CAMK4: variants seen among roughly 807,000 people sequenced by gnomAD.
The protein encoded by CAMK4 is calcium/calmodulin dependent protein kinase IV, also known as calcium/calmodulin-dependent protein kinase type IV.
A neutral mutation model predicts 44.9 loss-of-function variants in CAMK4; 22 were observed. The observed-to-expected ratio is 0.49, with a 90% CI of 0.35 to 0.70. The LOEUF (loss-of-function observed/expected upper bound fraction) is 0.70, where lower values mean the gene tolerates loss of function less well. Among genes scored for constraint, CAMK4 ranks in the 30% least tolerant of loss-of-function variants. The pLI is 0.01. For synonymous variants in CAMK4, 218 were observed against 215.4 expected (o/e 1.01, Z -0.11); for missense variants, 498 against 586.8 (o/e 0.85, Z 1.56).
At chr5:111,333,764 G>C (rs1040112767) in intron 1 of CAMK4, among the ~76,000 whole-genome samples, 1 of 151,630 alleles carries the variant, frequency 6.6e-6, no homozygotes, top group Non-Finnish European at 1.5e-5. Flanking sequence ...GAGCCACAAA[G>C]TAGAGAATAT....
intron 1 of CAMK4, among the ~76,000 whole-genome samples, chr5:111,284,886 A>G (rs1018979521): frequency 4.6e-5 from 7 of 152,178 alleles, no homozygotes; most frequent in Non-Finnish European, 1.0e-4. Context: ...AATCATGAAA[A>G]AGAGATATCT....
At chr5:111,471,886 C>CGCTT (rs1194035199) in intron 7 of CAMK4, among the ~76,000 whole-genome samples, 1 of 140,558 alleles carries the variant, frequency 7.1e-6, no homozygotes, top group Non-Finnish European at 1.6e-5. Context: ...CTCCAGAGCT[C>CGCTT]ACTTATTTAT....
At chr5:111,276,793 A>G (rs963655022) in intron 1 of CAMK4, among the ~76,000 whole-genome samples, 1 of 152,172 alleles carries the variant, frequency 6.6e-6, no homozygotes, top group African/African-American at 2.4e-5. Flanking sequence ...GTAAAAATTT[A>G]TCATAATAAT....
At chr5:111,248,751 AAT>A (rs1230717940) in intron 1 of CAMK4, among the ~76,000 whole-genome samples, 3 of 152,146 alleles carry the variant, frequency 2.0e-5, no homozygotes, top group Non-Finnish European at 4.4e-5. Context: ...GCTCTTCTGT[AAT>A]ATATCAGTAA....
Position 111,343,947 on chromosome 5 carries a change from T to C in CAMK4, c.162-77T>C, listed in dbSNP as rs1749754160. ...GTCAGTTATGTGGGTTATTGCAAGATACACTTATTTTCAAGCTTTCCCCTT... is the reference window on the plus strand; with the variant it reads ...GTCAGTTATGTGGGTTATTGCAAGACACACTTATTTTCAAGCTTTCCCCTT... On this transcript the variant is annotated intron_variant, in intron 1 of 10. Transcript: ENST00000282356. The C allele has an allele frequency of 9.7e-6, 8 of 821,558 alleles. No homozygotes were observed. In the Admixed American group the frequency reaches 1.2e-4, roughly 13 times the overall value. The allele number at this position is 821,558 out of a possible 1,614,324, so 50.9% of individuals were successfully genotyped here. A position where few individuals can be genotyped will look rare whatever the true frequency, so the allele number is the denominator to read the frequency against.
chr5:111,279,370 G>A (rs1432203427), intron 1 of CAMK4, among the ~76,000 whole-genome samples: 1 of 152,116 alleles, frequency 6.6e-6, no homozygotes, highest in Non-Finnish European at 1.5e-5. Context: ...GGACCCTTCT[G>A]CAGATCTCAG....
rs1392889908 is a variant in CAMK4, at chr5:111,462,302, C to T, written c.626-11009C>T. Among the ~76,000 whole-genome samples the T allele has an allele frequency of 2.6e-5, 4 of 152,204 alleles. No homozygotes were observed. The South Asian group carries it at 8.3e-4, about 32-fold the overall frequency. On this transcript the variant is annotated intron_variant, in intron 7 of 10. Coordinates refer to ENST00000282356, the MANE Select transcript of CAMK4 (RefSeq NM_001744.6). ...ACCCCGTACTAAAAATATTCTTCCT[C>T]CAAGCATTTCCAGTTATCACTTTGC... is the stretch of plus-strand genomic sequence containing the variant.
At chr5:111,371,912 G>T (rs1023477006) in intron 2 of CAMK4, among the ~76,000 whole-genome samples, 3 of 152,114 alleles carry the variant, frequency 2.0e-5, no homozygotes, top group Non-Finnish European at 2.9e-5. Flanking sequence ...CTGCCCAGAA[G>T]TAGAGAAAAC....
chr5:111,249,628 GTA>G (rs143178772), intron 1 of CAMK4, among the ~76,000 whole-genome samples: 30,104 of 128,924 alleles, frequency 0.23, 3,794 homozygotes, highest in Non-Finnish European at 0.29. Flanking sequence ...ATATTTGTGT[GTA>G]TATATATATA....
chr5:111,339,810 T>A (rs1749562699), intron 1 of CAMK4, among the ~76,000 whole-genome samples: 1 of 151,434 alleles, frequency 6.6e-6, no homozygotes, highest in African/African-American at 2.4e-5. Flanking sequence ...TAGATTGCTT[T>A]GGGTAATATG....
intron 1 of CAMK4, among the ~76,000 whole-genome samples, chr5:111,323,550 A>G (rs1273545249): frequency 6.6e-6 from 1 of 152,032 alleles, no homozygotes; most frequent in Non-Finnish European, 1.5e-5. Context: ...AATGATGACT[A>G]ATGTCCCATT....
chr5:111,242,831 A>C (rs1749063100), intron 1 of CAMK4, among the ~76,000 whole-genome samples: 1 of 121,260 alleles, frequency 8.2e-6, no homozygotes, highest in African/African-American at 3.1e-5. Flanking sequence ...GCGCCCCCTC[A>C]CTCCACGCCC....
At chr5:111,419,303 T>A (rs1164200881) in intron 5 of CAMK4, among the ~76,000 whole-genome samples, 3 of 150,626 alleles carry the variant, frequency 2.0e-5, no homozygotes, top group Admixed American at 6.6e-5. Context: ...TGTTTTTTTC[T>A]TGTAAATTTG....
chr5:111,318,469 C>T (rs1164300997), intron 1 of CAMK4, among the ~76,000 whole-genome samples: 1 of 152,064 alleles, frequency 6.6e-6, no homozygotes, highest in Non-Finnish European at 1.5e-5. Flanking sequence ...TTGTTTTATT[C>T]CCTAATGACT....
At chr5:111,242,146 A>C (rs957003413) in intron 1 of CAMK4, among the ~76,000 whole-genome samples, 4 of 149,718 alleles carry the variant, frequency 2.7e-5, no homozygotes, top group African/African-American at 7.7e-5. Flanking sequence ...ACCTCAGTAC[A>C]TGTTACCCCC....
intron 2 of CAMK4, among the ~76,000 whole-genome samples, chr5:111,374,329 T>G (rs1751126886): frequency 6.6e-6 from 1 of 152,148 alleles, no homozygotes. Flanking sequence ...TATTTCTTGA[T>G]TGTTTGAGCA....
At position 111,290,432 on chromosome 5, in the gene CAMK4, G is replaced by A. The variant is rs1747192762; in HGVS notation, c.162-53592G>A. 6.6e-6 allele frequency among the ~76,000 whole-genome samples: 1 copy of A among 152,204 alleles called. No homozygotes were observed. Among genetic ancestry groups the A allele is most frequent in the Non-Finnish European group, 1.5e-5 (1 of 68,046 alleles). Reference sequence around the variant, plus strand: ...GGGAATTAAATTCCAGGCAGTAGGAGTGAGCAATAAGAGAAATGAACCAGG... The same window carrying A: ...GGGAATTAAATTCCAGGCAGTAGGAATGAGCAATAAGAGAAATGAACCAGG... On this transcript the variant is annotated intron_variant, in intron 1 of 10. Transcript: ENST00000282356. This position sits in a 1 kb window ranked among gnomAD's most constrained non-coding sequence, Gnocchi z 4.5.
chr5:111,336,543 C>T (rs1324751026), intron 1 of CAMK4, among the ~76,000 whole-genome samples: 1 of 150,762 alleles, frequency 6.6e-6, no homozygotes, highest in African/African-American at 2.4e-5. Context: ...CTTACTCTTT[C>T]TTGCCTTTAA....
chr5:111,293,480 G>A (rs1406384151), intron 1 of CAMK4, among the ~76,000 whole-genome samples: 1 of 151,708 alleles, frequency 6.6e-6, no homozygotes, highest in Admixed American at 6.6e-5. Context: ...AGGCTGGAGT[G>A]CAATGGCGTG....
Sources: gnomAD v4.1 joint callset for allele counts (sites outside exome capture counted in the v4.1 genomes callset) on GRCh38, gnomAD v4.1.1 for gene constraint, Gnocchi (gnomAD v3.1) non-coding constraint, MANE v1.5 for transcripts, NCBI Gene and HGNC (gene_info 2026-07-23, HGNC 2026-07-21) for gene names.